FBXL7: variants seen among roughly 807,000 people sequenced by gnomAD.
FBXL7 encodes F-box and leucine rich repeat protein 7, also known as F-box/LRR-repeat protein 7.
Under a neutral mutation model 38.3 loss-of-function variants are expected in FBXL7, and 12 were observed. The observed-to-expected ratio is 0.31, with a 90% CI of 0.20 to 0.51. The LOEUF (loss-of-function observed/expected upper bound fraction) is 0.51, where lower values mean the gene tolerates loss of function less well. Among genes scored for constraint, FBXL7 ranks in the 20% least tolerant of loss-of-function variants. The probability of loss-of-function intolerance (pLI) is 0.98; values close to 1 mark genes in which losing one functional copy is unlikely to be tolerated. For synonymous variants in FBXL7, 297 were observed against 300.9 expected, an observed-to-expected ratio of 0.99 and a Z score of 0.13; for missense variants, 567 against 676.4, an observed-to-expected ratio of 0.84 and a Z score of 1.79.
At chr5:15,585,959 T>C (rs933297642) in intron 1 of FBXL7, among the ~76,000 whole-genome samples, 1 of 152,190 alleles carries the variant, frequency 6.6e-6, no homozygotes, top group Non-Finnish European at 1.5e-5. Context: ...GATGTAAAAA[T>C]GATTAACTTA....
intron 1 of FBXL7, among the ~76,000 whole-genome samples, chr5:15,574,751 G>GT (rs1738901693): frequency 6.6e-6 from 1 of 152,106 alleles, no homozygotes; most frequent in South Asian, 2.1e-4. Flanking sequence ...GGGCTGGAGC[G>GT]TTCTGGTAGC....
chr5:15,766,680 A>G (rs1303719048), intron 2 of FBXL7, among the ~76,000 whole-genome samples: 1 of 152,254 alleles, frequency 6.6e-6, no homozygotes, highest in African/African-American at 2.4e-5. Flanking sequence ...TCTTTAAAAC[A>G]TATTTGCTCT....
At position 15,563,320 on chromosome 5, in the gene FBXL7, T is replaced by A. The variant is rs151248521; in HGVS notation, c.38-52663T>A. 3.4e-3 allele frequency among the ~76,000 whole-genome samples: 523 copies of A among 152,270 alleles called. 2 individuals carry two copies. Among genetic ancestry groups the A allele is most frequent in the African/African-American group, 0.012 (500 of 41,578 alleles). ...AGAATAGAGGCTGGCACTCCATACCTACTTCATCACGTTAATTGCGCTCTG... is the reference window on the plus strand; with the variant it reads ...AGAATAGAGGCTGGCACTCCATACCAACTTCATCACGTTAATTGCGCTCTG... On this transcript the variant is annotated intron_variant, in intron 1 of 3. Transcript: ENST00000504595.
Position 15,686,477 on chromosome 5 carries a change from C to A in FBXL7, c.127+70405C>A, listed in dbSNP as rs151173419. On this transcript the variant is annotated intron_variant, in intron 2 of 3. Transcript: ENST00000504595. Reference sequence around the variant, plus strand: ...TTCCTGATCCCTCTATCTGAATCACCCCATCTTGTTTGGAAACCCTCTTAT... The same window carrying A: ...TTCCTGATCCCTCTATCTGAATCACACCATCTTGTTTGGAAACCCTCTTAT... Among the ~76,000 whole-genome samples the A allele has an allele frequency of 9.9e-5, 15 of 152,216 alleles. No individual in the cohort carries two copies. In the East Asian group the frequency reaches 2.9e-3, roughly 29 times the overall value.
At chr5:15,595,033 C>T (rs1739586293) in intron 1 of FBXL7, among the ~76,000 whole-genome samples, 2 of 152,332 alleles carry the variant, frequency 1.3e-5, no homozygotes, top group South Asian at 4.1e-4. Flanking sequence ...ACATTGCCAT[C>T]AGCAGCAGTA....
At chr5:15,682,616 A>G (rs1385261483) in intron 2 of FBXL7, among the ~76,000 whole-genome samples, 1 of 151,914 alleles carries the variant, frequency 6.6e-6, no homozygotes, top group Non-Finnish European at 1.5e-5. Flanking sequence ...TTTATAGCAC[A>G]TTGTTCTAAA....
At chr5:15,842,831 C>G (rs1003344735) in intron 2 of FBXL7, among the ~76,000 whole-genome samples, 5 of 152,136 alleles carry the variant, frequency 3.3e-5, no homozygotes, top group African/African-American at 1.2e-4. Context: ...CTCCCAGCTA[C>G]GTGGAACTGT....
Position 15,939,374 on chromosome 5 carries a change from G to A in FBXL7, c.*2188G>A. On this transcript the variant is annotated 3_prime_UTR_variant, in exon 4 of 4. Transcript: ENST00000504595. ...GGCCCTGGGGTCTTCCGAGTGAGCT[G>A]GTTTAATACTCTGAGAATGAGCAGG... 1 of 244,384 alleles carries A rather than the reference G, an allele frequency of 4.1e-6. No individual in the cohort carries two copies. The highest frequency in any genetic ancestry group is 7.8e-6 in the Non-Finnish European group (1 of 128,436). 15.1% of individuals were successfully genotyped at this position (244,384 alleles called of 1,614,324 possible). A position where few individuals can be genotyped will look rare whatever the true frequency, so the allele number is the denominator to read the frequency against.
intron 2 of FBXL7, among the ~76,000 whole-genome samples, chr5:15,657,695 G>A (rs1366897323): frequency 6.6e-6 from 1 of 152,096 alleles, no homozygotes; most frequent in African/African-American, 2.4e-5. Flanking sequence ...AAAATTATCT[G>A]GCTGTGGTGG....
In FBXL7 at chr5:15,862,284, TCTC is replaced by T. The variant is rs771945019; in HGVS notation, c.128-65605_128-65603del. The stretch of plus-strand genomic sequence containing the variant: ...ATGCCTTTCACTTGGCTCTCATTCT[TCTC>T]TTGTCTGCCACCATGTGAAACGTGC... On this transcript the variant is annotated intron_variant, in intron 2 of 3. Coordinates refer to ENST00000504595, the MANE Select transcript of FBXL7 (RefSeq NM_012304.5). 7.4e-4 allele frequency among the ~76,000 whole-genome samples: 113 copies of T among 152,270 alleles called. 1 individual carries two copies. The highest frequency in any genetic ancestry group is 3.4e-3 in the Middle Eastern group (1 of 294).
chr5:15,857,649 A>G (rs1330869947), intron 2 of FBXL7, among the ~76,000 whole-genome samples: 1 of 152,266 alleles, frequency 6.6e-6, no homozygotes, highest in Non-Finnish European at 1.5e-5. Context: ...GATCAGGATC[A>G]AAGATTTTAA....
intron 2 of FBXL7, among the ~76,000 whole-genome samples, chr5:15,756,176 G>T (rs964762277): frequency 1.3e-5 from 2 of 152,042 alleles, no homozygotes; most frequent in Non-Finnish European, 2.9e-5. Context: ...ACCCTGCTCA[G>T]ACTTTTTTTT....
At chr5:15,745,704 AGAG>A in intron 2 of FBXL7, among the ~76,000 whole-genome samples, 1 of 152,286 alleles carries the variant, frequency 6.6e-6, no homozygotes, top group South Asian at 2.1e-4. Flanking sequence ...TTACAAAACA[AGAG>A]GAGGACCCTA....
intron 2 of FBXL7, among the ~76,000 whole-genome samples, chr5:15,656,744 A>G (rs766183366): frequency 2.3e-4 from 35 of 152,116 alleles, no homozygotes; most frequent in Non-Finnish European, 4.1e-4. Context: ...GATGATGAAT[A>G]TCTAATAGCC....
intron 2 of FBXL7, among the ~76,000 whole-genome samples, chr5:15,661,830 C>A (rs558332805): frequency 3.9e-5 from 6 of 152,180 alleles, no homozygotes; most frequent in Admixed American, 6.5e-5. Context: ...ATTATGCCTC[C>A]ACCTCCATCC....
intron 2 of FBXL7, among the ~76,000 whole-genome samples, chr5:15,850,328 T>C (rs1739054443): frequency 6.6e-6 from 1 of 152,190 alleles, no homozygotes; most frequent in Admixed American, 6.5e-5. Flanking sequence ...TAGACGTTAT[T>C]GTACAATATT....
chr5:15,729,649 GTGT>G (rs1231857664), intron 2 of FBXL7, among the ~76,000 whole-genome samples: 2 of 152,116 alleles, frequency 1.3e-5, no homozygotes, highest in African/African-American at 2.4e-5. Flanking sequence ...TAAGTGTAGA[GTGT>G]TGTTATATAT....
intron 2 of FBXL7, among the ~76,000 whole-genome samples, chr5:15,693,928 T>C (rs1213703326): frequency 1.3e-5 from 2 of 152,160 alleles, no homozygotes; most frequent in African/African-American, 2.4e-5. Context: ...CCACGTGTGA[T>C]CCAATTTTTC....
chr5:15,676,716 G>T (rs1308960834), intron 2 of FBXL7, among the ~76,000 whole-genome samples: 1 of 152,230 alleles, frequency 6.6e-6, no homozygotes, highest in Admixed American at 6.5e-5. Flanking sequence ...TGGCCATGCT[G>T]CAGGGCACTG....
Sources: allele counts gnomAD v4.1 joint callset (sites outside exome capture counted in the v4.1 genomes callset), GRCh38; gene constraint gnomAD v4.1.1; transcripts MANE v1.5; gene names NCBI Gene and HGNC (gene_info 2026-07-23, HGNC 2026-07-21).